Variants in BMAL1 observed in about 807,000 individuals in gnomAD.
BMAL1 encodes basic helix-loop-helix ARNT-like protein 1.
At chr11:13,356,997 CTT>C in the BMAL1 span, 2 of 1,612,340 alleles carry the variant, frequency 1.2e-6, no homozygotes, top group Non-Finnish European at 1.7e-6. Flanking sequence ...CAATGTGTAA[CTT>C]TGCCATTCAT....
At chr11:13,335,692 C>G in the BMAL1 span, among the ~76,000 whole-genome samples, 1 of 152,180 alleles carries the variant, frequency 6.6e-6, no homozygotes, top group Non-Finnish European at 1.5e-5. Context: ...TTAATATATA[C>G]TGAATTTTCT....
chr11:13,276,945 T>A, the BMAL1 span: 1 of 152,256 alleles, frequency 6.6e-6, no homozygotes, highest in South Asian at 2.1e-4. Flanking sequence ...TACTCTTCAG[T>A]AAGTGGTCAA....
the BMAL1 span, among the ~76,000 whole-genome samples, chr11:13,297,567 G>A: frequency 6.6e-6 from 1 of 152,204 alleles, no homozygotes; most frequent in African/African-American, 2.4e-5. Context: ...GGGTGGGCAG[G>A]CTGCAGATAG....
chr11:13,304,610 A>G, the BMAL1 span, among the ~76,000 whole-genome samples: 1 of 152,214 alleles, frequency 6.6e-6, no homozygotes, highest in South Asian at 2.1e-4. Context: ...CCCTCCTGGC[A>G]CACAGCAGAG....
the BMAL1 span, among the ~76,000 whole-genome samples, chr11:13,308,494 G>A: frequency 1.1e-4 from 17 of 152,178 alleles, no homozygotes; most frequent in African/African-American, 4.1e-4. Context: ...TGAACACGCT[G>A]ACATAAGAGG....
chr11:13,356,972 G>A, the BMAL1 span: 2 of 1,602,858 alleles, frequency 1.2e-6, no homozygotes, highest in African/African-American at 1.3e-5. Context: ...GACAGGATCA[G>A]GCAGAAGAAA....
At chr11:13,369,892 G>GGACCTGCACAGGACCTGC in the BMAL1 span, 1 of 1,240,120 alleles carries the variant, frequency 8.1e-7, no homozygotes, top group Non-Finnish European at 1.1e-6. Context: ...CAGGACTGCA[G>GGACCTGCACAGGACCTGC]ACAGGACCCT....
the BMAL1 span, among the ~76,000 whole-genome samples, chr11:13,278,469 T>A: frequency 6.6e-6 from 1 of 152,048 alleles, no homozygotes; most frequent in Non-Finnish European, 1.5e-5. Flanking sequence ...CCGCTTCACT[T>A]CCCTTTCGGG....
the BMAL1 span, among the ~76,000 whole-genome samples, chr11:13,308,225 C>T: frequency 6.6e-5 from 10 of 152,078 alleles, no homozygotes; most frequent in African/African-American, 9.7e-5. Context: ...TAAACTGAGG[C>T]GGACACAACG....
chr11:13,354,360 C>T, the BMAL1 span: 1 of 1,614,032 alleles, frequency 6.2e-7, no homozygotes, highest in South Asian at 1.1e-5. Flanking sequence ...TTTCATGTCC[C>T]CGGGCCCCAC....
chr11:13,309,402 A>C, the BMAL1 span, among the ~76,000 whole-genome samples: 1 of 152,048 alleles, frequency 6.6e-6, no homozygotes, highest in Non-Finnish European at 1.5e-5. Context: ...GGAGCCTCTG[A>C]TGGTTTCTGC....
chr11:13,292,452 C>A, the BMAL1 span, among the ~76,000 whole-genome samples: 1 of 151,230 alleles, frequency 6.6e-6, no homozygotes, highest in Admixed American at 6.6e-5. Context: ...GAGGCTGAGG[C>A]AGGAGAATGG....
the BMAL1 span, among the ~76,000 whole-genome samples, chr11:13,280,192 A>C: frequency 6.6e-6 from 1 of 152,276 alleles, no homozygotes; most frequent in Non-Finnish European, 1.5e-5. Context: ...TAAGCAGATC[A>C]ACAGATGGTG....
At chr11:13,292,192 T>A in the BMAL1 span, among the ~76,000 whole-genome samples, 1 of 152,224 alleles carries the variant, frequency 6.6e-6, no homozygotes, top group Non-Finnish European at 1.5e-5. Context: ...TAATCTCATA[T>A]TTTAAAAGTT....
At chr11:13,363,866 C>A in the BMAL1 span, among the ~76,000 whole-genome samples, 1 of 152,132 alleles carries the variant, frequency 6.6e-6, no homozygotes, top group Non-Finnish European at 1.5e-5. Flanking sequence ...CCTTCGGGCC[C>A]GGCTCCTTCA....
chr11:13,358,520 A>G, the BMAL1 span: 1 of 1,613,470 alleles, frequency 6.2e-7, no homozygotes, highest in South Asian at 1.1e-5. Flanking sequence ...CCAACATGCA[A>G]CGCAATGTCC....
the BMAL1 span, among the ~76,000 whole-genome samples, chr11:13,278,342 G>A: frequency 6.6e-6 from 1 of 152,214 alleles, no homozygotes; most frequent in African/African-American, 2.4e-5. Flanking sequence ...GCAGTGACTC[G>A]GCCGAAGAGG....
the BMAL1 span, among the ~76,000 whole-genome samples, chr11:13,279,707 A>T: frequency 2.0e-5 from 3 of 152,234 alleles, no homozygotes; most frequent in Non-Finnish European, 4.4e-5. Flanking sequence ...ATAAGTCTTT[A>T]ACGCAGCTTA....
At chr11:13,312,387 GA>G in the BMAL1 span, among the ~76,000 whole-genome samples, 1 of 152,182 alleles carries the variant, frequency 6.6e-6, no homozygotes, top group Admixed American at 6.5e-5. Flanking sequence ...AAGGACTAGA[GA>G]TAGATCGAGT....
Sources: allele counts gnomAD v4.1 joint callset (sites outside exome capture counted in the v4.1 genomes callset), GRCh38; gene constraint gnomAD v4.1.1; transcripts MANE v1.5; gene names NCBI Gene and HGNC (gene_info 2026-07-23, HGNC 2026-07-21).